Variants in WDR88 observed in about 807,000 individuals in gnomAD.
WDR88 encodes WD repeat-containing protein 88.
A neutral mutation model predicts 46.8 loss-of-function variants in WDR88; 40 were observed. That is an observed-to-expected ratio of 0.86 (90% CI 0.66 to 1.11). The LOEUF is 1.11. Ranked by LOEUF, WDR88 falls within the 50% of genes most tolerant of loss-of-function variation. WDR88 has a pLI of 0.00. For synonymous variants in WDR88, 235 were observed against 240.7 expected (o/e 0.98, Z 0.22); for missense variants, 562 against 602.4 (o/e 0.93, Z 0.70).
intron 9 of WDR88, among the ~76,000 whole-genome samples, chr19:33,167,388 A>G (rs1013975420): frequency 5.9e-5 from 9 of 152,154 alleles, no homozygotes; most frequent in African/African-American, 2.2e-4. Context: ...AAAAAAACCC[A>G]GAAAGCTAGG....
intron 10 of WDR88, chr19:33,174,691 G>C (rs1270913008): frequency 2.0e-6 from 2 of 985,306 alleles, no homozygotes; most frequent in Non-Finnish European, 2.4e-6. Context: ...CAGGATGTCA[G>C]GGAGTCATCC....
rs1002653731 is a variant in WDR88 at position 33,149,635 on chromosome 19, C to T, written c.679+725C>T. Among the ~76,000 whole-genome samples, 5 of 151,854 alleles carry T rather than the reference C, an allele frequency of 3.3e-5. No individual in the cohort carries two copies. The East Asian group carries it at 5.8e-4, about 18-fold the overall frequency. On this transcript the variant is annotated intron_variant, in intron 5 of 10. Transcript: ENST00000355868. ...AAAGTGAGGGATTATAGGAGAAGCC[C>T]CCTCACCCGGCCTACCTGTATCTTT...
At chr19:33,137,274 G>A (rs868636192) in intron 1 of WDR88, among the ~76,000 whole-genome samples, 3 of 130,328 alleles carry the variant, frequency 2.3e-5, no homozygotes, top group African/African-American at 6.0e-5. Context: ...TTTTTTTTCA[G>A]ATGGAATCTC....
intron 7 of WDR88, among the ~76,000 whole-genome samples, chr19:33,157,543 A>G (rs201167057): frequency 1.8e-5 from 2 of 109,060 alleles, no homozygotes; most frequent in African/African-American, 5.8e-5. Flanking sequence ...ATATATATGT[A>G]TATATATGTG....
chr19:33,154,907 T>C (rs1973705255), intron 6 of WDR88, among the ~76,000 whole-genome samples: 1 of 152,178 alleles, frequency 6.6e-6, no homozygotes, highest in African/African-American at 2.4e-5. Flanking sequence ...AGAACCAAAA[T>C]GGGTTCCAAA....
chr19:33,133,157 G>GAATAAATA (rs375517673), intron 1 of WDR88, among the ~76,000 whole-genome samples: 1,787 of 105,710 alleles, frequency 0.017, 60 homozygotes, highest in African/African-American at 0.058. Context: ...ACTGTCTCCA[G>GAATAAATA]AATAAATAAA....
At chr19:33,171,035 G>C (rs1974030633) in intron 9 of WDR88, among the ~76,000 whole-genome samples, 1 of 152,082 alleles carries the variant, frequency 6.6e-6, no homozygotes, top group South Asian at 2.1e-4. Context: ...ACCCAGGCTG[G>C]AGTGCAATGG....
In WDR88 at chr19:33,175,547, C is replaced by A. The variant is rs1168022151; in HGVS notation, c.1394C>A (p.Pro465Gln). ...SSSSERENSP[P>Q]PRGSKDD ...TCATCGGAAAGGGAGAACTCACCGCCGCCAAGGGGAAGCAAGGATGACTGA... is the reference window on the plus strand; with the variant it reads ...TCATCGGAAAGGGAGAACTCACCGCAGCCAAGGGGAAGCAAGGATGACTGA... The change falls in exon 11 of 11, where the codon CCG becomes CAG. Residue 465 changes from proline to glutamine, a missense_variant. Transcript: ENST00000355868. 1.2e-6 allele frequency: 2 copies of A among 1,614,206 alleles called. No individual in the cohort carries two copies. Among genetic ancestry groups the A allele is most frequent in the Non-Finnish European group, 1.7e-6 (2 of 1,180,032 alleles).
At chr19:33,151,109 G>A (rs1973624490) in intron 5 of WDR88, 72 bp from the exon 6 acceptor site, 1 of 1,535,170 alleles carries the variant, frequency 6.5e-7, no homozygotes, top group South Asian at 1.2e-5. Context: ...ACTGGCTGGG[G>A]AAGTCGTGGG....
rs969190830 is a variant in WDR88, at chr19:33,134,848, C to T, written c.276+2403C>T. Among the ~76,000 whole-genome samples, 4 of 137,796 alleles carry T rather than the reference C, an allele frequency of 2.9e-5. 1 individual carries two copies. Among genetic ancestry groups the T allele is most frequent in the Admixed American group, 1.4e-4 (2 of 13,908 alleles). The allele number at this position is 137,796 out of a possible 152,430, so 90.4% of individuals were successfully genotyped here. ...ACCTGCACGTCCCCGACACCCCCCC[C>T]CCCGCCCCGCATCACCTGCAACCGG... is the stretch of plus-strand genomic sequence containing the variant. On this transcript the variant is annotated intron_variant, in intron 1 of 10. Coordinates refer to ENST00000355868, the MANE Select transcript of WDR88 (RefSeq NM_173479.4).
At chr19:33,139,912 A>G (rs1423794149) in intron 2 of WDR88, among the ~76,000 whole-genome samples, 3 of 152,124 alleles carry the variant, frequency 2.0e-5, no homozygotes, top group Admixed American at 2.0e-4. Flanking sequence ...AGGACTTACC[A>G]GCTGTGTGAC....
intron 1 of WDR88, among the ~76,000 whole-genome samples, chr19:33,134,840 A>ACCCCCCCCCCCCCCCCCCCC (rs766617576): frequency 1.6e-5 from 1 of 62,404 alleles, no homozygotes. Flanking sequence ...CGTCCCCGAC[A>ACCCCCCCCCCCCCCCCCCCC]CCCCCCCCCC....
At chr19:33,157,729 A>C (rs1396580058) in intron 7 of WDR88, among the ~76,000 whole-genome samples, 1 of 61,586 alleles carries the variant, frequency 1.6e-5, no homozygotes, top group Non-Finnish European at 2.4e-5. Flanking sequence ...ATATATATAT[A>C]TATATATAAA....
rs1974054014 is a variant in WDR88, at chr19:33,172,456, A to G, written c.1242+16A>G. 2 of 1,601,012 alleles carry G rather than the reference A, an allele frequency of 1.2e-6. No homozygotes were observed. Among genetic ancestry groups the G allele is most frequent in the African/African-American group, 2.7e-5 (2 of 74,496 alleles). ...GTTGAAACAGGTTGGTATTGGGTAA[A>G]ATTAAGCCCAGTGAAGGCTTTCGTT... On this transcript the variant is annotated intron_variant, in intron 10 of 10. Transcript: ENST00000355868.
At chr19:33,164,605 G>A (rs1263632876) in intron 9 of WDR88, among the ~76,000 whole-genome samples, 1 of 152,084 alleles carries the variant, frequency 6.6e-6, no homozygotes, top group African/African-American at 2.4e-5. Context: ...GGTCCGGGGG[G>A]GTCTCCCTTT....
At chr19:33,163,882 C>T (rs1005094574) in intron 8 of WDR88, among the ~76,000 whole-genome samples, 2 of 152,166 alleles carry the variant, frequency 1.3e-5, no homozygotes, top group Admixed American at 1.3e-4. Context: ...AATCTGTCCA[C>T]CTCAACCTCC....
chr19:33,141,240 T>TTG (rs748666810), intron 2 of WDR88, among the ~76,000 whole-genome samples: 17,914 of 143,372 alleles, frequency 0.12, 1,525 homozygotes, highest in South Asian at 0.22. Flanking sequence ...TTTTTTTTTT[T>TTG]CTTTTTTGAC....
rs140718404 is a variant in WDR88 at position 33,160,016 on chromosome 19, G to T, written c.998-398G>T. On this transcript the variant is annotated intron_variant, in intron 7 of 10. Coordinates refer to ENST00000355868, the MANE Select transcript of WDR88 (RefSeq NM_173479.4). ...CCTCGCATCCGCAGTTCACAATAGGGTTCATGCTCCCGTGAGAATCGAATG... is the reference window on the plus strand; with the variant it reads ...CCTCGCATCCGCAGTTCACAATAGGTTTCATGCTCCCGTGAGAATCGAATG... 1.8e-4 allele frequency among the ~76,000 whole-genome samples: 27 copies of T among 152,120 alleles called. No homozygotes were observed. In the East Asian group the frequency reaches 5.0e-3, roughly 28 times the overall value.
intron 9 of WDR88, 112 bp downstream of exon 9, chr19:33,164,377 C>T (rs930451564): frequency 2.7e-5 from 25 of 942,802 alleles, no homozygotes; most frequent in South Asian, 9.6e-5. Flanking sequence ...TGTACCTGAC[C>T]GGGCCATCGT....
Sources: gnomAD v4.1 joint callset for allele counts (sites outside exome capture counted in the v4.1 genomes callset) on GRCh38, gnomAD v4.1.1 for gene constraint, MANE v1.5 for transcripts, NCBI Gene and HGNC (gene_info 2026-07-23, HGNC 2026-07-21) for gene names.